The following MTHFD2L variants were observed in gnomAD, a reference collection of about 807,000 sequenced individuals.
MTHFD2L encodes the protein bifunctional methylenetetrahydrofolate dehydrogenase/cyclohydrolase 2, mitochondrial.
MTHFD2L carries 29 observed loss-of-function variants against 34.9 expected under a neutral mutation model. The ratio of observed to expected loss-of-function variants is 0.83; its 90% CI spans 0.62 to 1.13. MTHFD2L has a LOEUF of 1.13. MTHFD2L is among the 50% of genes most tolerant of loss of function. The probability of loss-of-function intolerance (pLI) is 0.00; values close to 1 mark genes in which losing one functional copy is unlikely to be tolerated. For missense variants in MTHFD2L, 481 were observed against 446.5 expected, an observed-to-expected ratio of 1.08 and a Z score of -0.70; for synonymous variants, 167 against 155.7, an observed-to-expected ratio of 1.07 and a Z score of -0.54.
Position 74,297,909 on chromosome 4 carries a change from G to T in MTHFD2L, c.932-3788G>T, listed in dbSNP as rs186916766. 1.8e-4 allele frequency among the ~76,000 whole-genome samples: 28 copies of T among 152,204 alleles called. 1 individual carries two copies. In the East Asian group the frequency reaches 4.6e-3, roughly 25 times the overall value. ...TAAGCATTGACATCTGTATCCACTGGCACTTGCCAATAGCTCCCCACCTTT... is the reference window on the plus strand; with the variant it reads ...TAAGCATTGACATCTGTATCCACTGTCACTTGCCAATAGCTCCCCACCTTT... On this transcript the variant is annotated intron_variant, in intron 7 of 7. Coordinates refer to ENST00000325278, the MANE Select transcript of MTHFD2L (RefSeq NM_001144978.3).
At chr4:74,187,841 C>T (rs1731619913) in intron 3 of MTHFD2L, among the ~76,000 whole-genome samples, 1 of 126,880 alleles carries the variant, frequency 7.9e-6, no homozygotes, top group Non-Finnish European at 1.6e-5. Context: ...ACACATTGGT[C>T]CAGCCATTCC....
chr4:74,301,938 T>C lies in MTHFD2L; in HGVS notation c.*129T>C. On this transcript the variant is annotated 3_prime_UTR_variant, in exon 8 of 8. Transcript: ENST00000325278. ...TTTATTTTTTCATGGGTGAAATCATTGTGAATCAATTGATTCACATAGTTT... is the reference window on the plus strand; with the variant it reads ...TTTATTTTTTCATGGGTGAAATCATCGTGAATCAATTGATTCACATAGTTT... 2.1e-6 allele frequency: 1 copy of C among 475,740 alleles called. No homozygotes were observed. The highest frequency in any genetic ancestry group is 5.6e-5 in the South Asian group (1 of 17,940). The allele number at this position is 475,740 out of a possible 1,614,324, so 29.5% of individuals were successfully genotyped here.
At chr4:74,157,946 C>T (rs1724463383), upstream of MTHFD2L, 2 of 888,596 alleles carry the variant, frequency 2.3e-6, no homozygotes, top group Non-Finnish European at 3.6e-6. Context: ...CCCTGCGGAC[C>T]CGGCACTCTG....
chr4:74,243,697 T>C (rs866020066), intron 6 of MTHFD2L, among the ~76,000 whole-genome samples: 4 of 152,162 alleles, frequency 2.6e-5, no homozygotes, highest in African/African-American at 9.7e-5. Context: ...TGTTTGGTCC[T>C]TACATCACAA....
upstream of MTHFD2L, among the ~76,000 whole-genome samples, chr4:74,124,602 C>G (rs1482157606): frequency 6.6e-6 from 1 of 151,810 alleles, no homozygotes; most frequent in Admixed American, 6.6e-5. Context: ...TTGTAGCAAC[C>G]TGTTTCGTTA....
chr4:74,281,327 G>A, intron 6 of MTHFD2L, 98 bp from the exon 7 acceptor site: 1 of 946,398 alleles, frequency 1.1e-6, no homozygotes, highest in East Asian at 2.8e-5. Flanking sequence ...ACACATACGT[G>A]TGTGTGTGTG....
At chr4:74,132,280 A>T (rs571913432) in intron 1 of MTHFD2L, among the ~76,000 whole-genome samples, 7 of 152,240 alleles carry the variant, frequency 4.6e-5, no homozygotes, top group Non-Finnish European at 7.3e-5. Flanking sequence ...CTATAATCAC[A>T]CATGCACAGG....
At chr4:74,267,178 T>G in intron 6 of MTHFD2L, 1 of 985,226 alleles carries the variant, frequency 1.0e-6, no homozygotes, top group Non-Finnish European at 1.2e-6. Context: ...AACATGACAG[T>G]TGGTAATATA....
At chr4:74,209,482 A>G (rs569412425) in intron 5 of MTHFD2L, among the ~76,000 whole-genome samples, 1 of 152,232 alleles carries the variant, frequency 6.6e-6, no homozygotes, top group Admixed American at 6.5e-5. Context: ...GCTGACAATG[A>G]TGGTTTCTAG....
chr4:74,296,120 A>G (rs1749601533), intron 7 of MTHFD2L, among the ~76,000 whole-genome samples: 1 of 152,132 alleles, frequency 6.6e-6, no homozygotes, highest in African/African-American at 2.4e-5. Context: ...GGTCCAGTTT[A>G]TGGCATGTGT....
chr4:74,147,408 G>T (rs1277561624), intron 1 of MTHFD2L, among the ~76,000 whole-genome samples: 2 of 152,134 alleles, frequency 1.3e-5, no homozygotes, highest in Non-Finnish European at 2.9e-5. Flanking sequence ...CTTGTCTAGG[G>T]GATGTGTGTG....
chr4:74,181,666 A>G (rs768819682), intron 3 of MTHFD2L: 3 of 152,136 alleles, frequency 2.0e-5, no homozygotes, highest in Non-Finnish European at 4.4e-5. Context: ...AACTCTATCT[A>G]TTTCAAATGT....
chr4:74,151,461 G>A (rs958826137), intron 1 of MTHFD2L, among the ~76,000 whole-genome samples: 1 of 152,166 alleles, frequency 6.6e-6, no homozygotes, highest in Middle Eastern at 3.2e-3. Flanking sequence ...GAAAAGCACT[G>A]CAGTTAGAAG....
chr4:74,250,961 C>T (rs1321402052), intron 6 of MTHFD2L, among the ~76,000 whole-genome samples: 2 of 152,116 alleles, frequency 1.3e-5, no homozygotes, highest in African/African-American at 4.8e-5. Context: ...TATGTTATTC[C>T]CTCTCAGAGT....
intron 6 of MTHFD2L, among the ~76,000 whole-genome samples, chr4:74,248,395 C>T (rs926783842): frequency 6.6e-6 from 1 of 152,066 alleles, no homozygotes; most frequent in Non-Finnish European, 1.5e-5. Context: ...GTCTTGCTAG[C>T]AGTCTATCAA....
chr4:74,117,558 A>G (rs1325243874), intron 2 of MTHFD2L, among the ~76,000 whole-genome samples: 1 of 152,162 alleles, frequency 6.6e-6, no homozygotes, highest in Non-Finnish European at 1.5e-5. Flanking sequence ...AATTTTAAAG[A>G]ATGCATAGGT....
chr4:74,169,036 C>G (rs942432783), intron 1 of MTHFD2L, among the ~76,000 whole-genome samples: 1 of 152,194 alleles, frequency 6.6e-6, no homozygotes. Context: ...TCCTACAGAG[C>G]TAGGCTTGCT....
chr4:74,192,545 C>A (rs1732737319), intron 3 of MTHFD2L, among the ~76,000 whole-genome samples: 1 of 151,998 alleles, frequency 6.6e-6, no homozygotes, highest in Non-Finnish European at 1.5e-5. Flanking sequence ...ATGTATTATT[C>A]CATAAGTTTT....
chr4:74,201,069 GAGA>G (rs1286745187), intron 4 of MTHFD2L, among the ~76,000 whole-genome samples, 191 bp from the exon 5 acceptor site: 25 of 152,206 alleles, frequency 1.6e-4, no homozygotes, highest in Non-Finnish European at 1.5e-5. Flanking sequence ...TACATAATCA[GAGA>G]AGAAGTGACA....
Sources: gnomAD v4.1 joint callset for allele counts (sites outside exome capture counted in the v4.1 genomes callset) on GRCh38, gnomAD v4.1.1 for gene constraint, MANE v1.5 for transcripts, NCBI Gene and HGNC (gene_info 2026-07-23, HGNC 2026-07-21) for gene names.